The following PCDHGA10 variants were observed in gnomAD, a reference collection of about 807,000 sequenced individuals.
PCDHGA10 encodes the protein protocadherin gamma-A10.
A neutral mutation model predicts 59.5 loss-of-function variants in PCDHGA10; 42 were observed. That is an observed-to-expected ratio of 0.71 (90% CI 0.55 to 0.91). The LOEUF (loss-of-function observed/expected upper bound fraction) is 0.91. PCDHGA10 is among the 40% of genes least tolerant of loss of function. The pLI, the probability that PCDHGA10 is intolerant of heterozygous loss-of-function variation, is 0.00. For synonymous variants in PCDHGA10, 511 were observed against 517.2 expected (o/e 0.99, Z 0.16); for missense variants, 1,111 against 1,198.2 (o/e 0.93, Z 1.07).
Position 141,413,798 on chromosome 5 carries a change from AAG to A in PCDHGA10, c.626_627del (p.Glu209GlyfsTer14), listed in dbSNP as rs914638812. On this transcript the variant is annotated frameshift_variant, in exon 1 of 4. Coordinates refer to ENST00000398610, the MANE Select transcript of PCDHGA10 (RefSeq NM_018913.3). LOFTEE classifies it high-confidence loss of function. ...CTGGAGCACTCCCTAGATCGCGAGGAAGAGGCCATTCACCACCTGGTCCTCAC... is the reference window on the plus strand; with the variant it reads ...CTGGAGCACTCCCTAGATCGCGAGGAAGGCCATTCACCACCTGGTCCTCAC... 2.7e-5 allele frequency: 44 copies of A among 1,613,066 alleles called. No homozygotes were observed. Among genetic ancestry groups the A allele is most frequent in the Non-Finnish European group, 3.5e-5 (41 of 1,179,894 alleles).
At chr5:141,468,931 G>A (rs1321821773) in intron 1 of PCDHGA10, among the ~76,000 whole-genome samples, 2 of 148,600 alleles carry the variant, frequency 1.3e-5, no homozygotes, top group Non-Finnish European at 3.0e-5. Flanking sequence ...GCACTAAAAT[G>A]GGAGATGGGG....
In PCDHGA10 at chr5:141,428,146, C is replaced by G. The variant is rs549173211; in HGVS notation, c.2436+12535C>G. The G allele has an allele frequency of 1.3e-5, 21 of 1,589,348 alleles. No individual in the cohort carries two copies. The East Asian group carries it at 4.0e-4, about 30-fold the overall frequency. Reference sequence around the variant, plus strand: ...GGGCTTTTCAGCCTGGGGCTGCACACGGGAACCTGCTGGTTGCTGTGCGTG... The same window carrying G: ...GGGCTTTTCAGCCTGGGGCTGCACAGGGGAACCTGCTGGTTGCTGTGCGTG... On this transcript the variant is annotated intron_variant, in intron 1 of 3. Transcript: ENST00000398610.
chr5:141,497,825 C>T (rs1015168533), intron 2 of PCDHGA10, among the ~76,000 whole-genome samples: 3 of 152,154 alleles, frequency 2.0e-5, no homozygotes, highest in Admixed American at 6.5e-5. Context: ...CAGGTGTGAT[C>T]GCCCCCGGCC....
intron 3 of PCDHGA10, among the ~76,000 whole-genome samples, chr5:141,510,092 T>C (rs973542449): frequency 6.6e-6 from 1 of 152,138 alleles, no homozygotes; most frequent in South Asian, 2.1e-4. Flanking sequence ...TGGCACACAG[T>C]AGGTGCTCAA....
intron 1 of PCDHGA10, chr5:141,429,047 GGTTTCACC>G (rs1254088441): frequency 1.3e-5 from 2 of 152,034 alleles, no homozygotes; most frequent in Non-Finnish European, 2.9e-5. Flanking sequence ...GTACAGACGG[GGTTTCACC>G]GTGTTAGCCA....
intron 3 of PCDHGA10, among the ~76,000 whole-genome samples, chr5:141,507,714 C>T (rs1425955843): frequency 6.6e-6 from 1 of 152,280 alleles, no homozygotes; most frequent in Non-Finnish European, 1.5e-5. Flanking sequence ...GCCCCAAACC[C>T]TCCAAGCAAG....
chr5:141,418,848 G>T (rs770294020), intron 1 of PCDHGA10: 1 of 1,613,954 alleles, frequency 6.2e-7, no homozygotes, highest in Non-Finnish European at 8.5e-7. Flanking sequence ...CTCTCAACAC[G>T]GTGTAAAGTA....
At chr5:141,468,597 T>C in intron 1 of PCDHGA10, 1 of 152,224 alleles carries the variant, frequency 6.6e-6, no homozygotes, top group East Asian at 1.9e-4. Context: ...CTGGGCGCGG[T>C]GGCTCACGCC....
At chr5:141,458,519 T>C (rs974750749) in intron 1 of PCDHGA10, among the ~76,000 whole-genome samples, 1 of 152,110 alleles carries the variant, frequency 6.6e-6, no homozygotes, top group Non-Finnish European at 1.5e-5. Context: ...CTTTGTTTTT[T>C]TTTTTAACTT....
At chr5:141,427,765 T>C (rs1331334394) in intron 1 of PCDHGA10, 3 of 1,387,170 alleles carry the variant, frequency 2.2e-6, no homozygotes, top group Non-Finnish European at 2.0e-6. Context: ...ACCACTGACT[T>C]GGAGCTGCGG....
chr5:141,503,045 G>A (rs543484478), intron 2 of PCDHGA10, among the ~76,000 whole-genome samples: 1 of 151,702 alleles, frequency 6.6e-6, no homozygotes, highest in South Asian at 2.1e-4. Context: ...AGTTGAGACA[G>A]GGTTTCACCA....
chr5:141,431,320 C>T lies in PCDHGA10; in HGVS notation c.2436+15709C>T. On this transcript the variant is annotated intron_variant, in intron 1 of 3. Coordinates refer to ENST00000398610, the MANE Select transcript of PCDHGA10 (RefSeq NM_018913.3). The surrounding 1 kb of genome is among the most constrained non-coding windows in gnomAD (Gnocchi z 4.8). ...CCCTCATCGTGCAAAATGGAGCCGA[C>T]GGTAGTAAGTACCCCGAATTGGTGC... is the stretch of plus-strand genomic sequence containing the variant. 1 of 1,614,102 alleles carries T rather than the reference C, an allele frequency of 6.2e-7. No homozygotes were observed. Among genetic ancestry groups the T allele is most frequent in the Non-Finnish European group, 8.5e-7 (1 of 1,180,038 alleles).
intron 1 of PCDHGA10, among the ~76,000 whole-genome samples, chr5:141,443,690 A>C (rs2098399415): frequency 6.6e-6 from 1 of 152,224 alleles, no homozygotes; most frequent in Non-Finnish European, 1.5e-5. Flanking sequence ...AACACTTCAA[A>C]AATTATAGAA....
In PCDHGA10 at chr5:141,511,599, C is replaced by G; in HGVS notation, c.*426C>G. 4.0e-6 allele frequency: 1 copy of G among 252,540 alleles called. No homozygotes were observed. Among genetic ancestry groups the G allele is most frequent in the South Asian group, 5.2e-5 (1 of 19,398 alleles). 15.6% of individuals were successfully genotyped at this position (252,540 alleles called of 1,614,324 possible). ...GTTGGGGTGTTGAAGTACCAAGTAA[C>G]CTACAAGCCTCCTAGTTCTGAAAAG... On this transcript the variant is annotated 3_prime_UTR_variant, in exon 4 of 4. Coordinates refer to ENST00000398610, the MANE Select transcript of PCDHGA10 (RefSeq NM_018913.3).
chr5:141,475,870 C>CAGTT, intron 1 of PCDHGA10: 1 of 511,190 alleles, frequency 2.0e-6, no homozygotes, highest in East Asian at 3.3e-5. Context: ...ATTCTTCGTG[C>CAGTT]AGTTATTGGC....
chr5:141,441,162 G>A (rs1009205566), intron 1 of PCDHGA10: 48 of 152,166 alleles, frequency 3.2e-4, no homozygotes, highest in Admixed American at 1.5e-3. Flanking sequence ...TCCTAGAGGC[G>A]ATTTTTACTT....
chr5:141,418,102 C>T (rs760484009), intron 1 of PCDHGA10: 15 of 1,614,014 alleles, frequency 9.3e-6, no homozygotes, highest in Non-Finnish European at 1.3e-5. Context: ...ACGCGCAGAG[C>T]GGGGACTTAC....
intron 1 of PCDHGA10, among the ~76,000 whole-genome samples, chr5:141,450,047 C>T (rs2098667027): frequency 2.2e-5 from 3 of 136,836 alleles, no homozygotes; most frequent in African/African-American, 8.5e-5. Flanking sequence ...CACTCTTTCG[C>T]CCAGGCTGGA....
chr5:141,464,068 C>A (rs2099075218), intron 1 of PCDHGA10, among the ~76,000 whole-genome samples: 1 of 152,036 alleles, frequency 6.6e-6, no homozygotes, highest in Admixed American at 6.6e-5. Flanking sequence ...AGTTCAAGGC[C>A]AGCCTGGCCA....
Sources: allele counts gnomAD v4.1 joint callset (sites outside exome capture counted in the v4.1 genomes callset), GRCh38; gene constraint gnomAD v4.1.1; non-coding constraint Gnocchi (gnomAD v3.1); transcripts MANE v1.5; gene names NCBI Gene and HGNC (gene_info 2026-07-23, HGNC 2026-07-21).